The following MACROD1 variants were observed in gnomAD, a reference collection of about 807,000 sequenced individuals.
MACROD1 encodes ADP-ribose glycohydrolase MACROD1.
In MACROD1, 31 loss-of-function variants were observed where a neutral mutation model predicts 41.4. The ratio of observed to expected loss-of-function variants is 0.75; its 90% CI spans 0.56 to 1.01. MACROD1 has a LOEUF of 1.01. MACROD1 is among the 50% of genes least tolerant of loss of function. The pLI is 0.00. For synonymous variants in MACROD1, 252 were observed against 203.4 expected (o/e 1.24, Z -2.03); for missense variants, 473 against 460.0 (o/e 1.03, Z -0.26).
At chr11:64,043,046 G>A (rs886663546) in intron 3 of MACROD1, among the ~76,000 whole-genome samples, 3 of 152,156 alleles carry the variant, frequency 2.0e-5, no homozygotes, top group Admixed American at 6.5e-5. Flanking sequence ...ACTTGGGCTC[G>A]AAGCCCACCT....
chr11:64,083,870 T>C (rs890916433), intron 3 of MACROD1, among the ~76,000 whole-genome samples: 1 of 151,936 alleles, frequency 6.6e-6, no homozygotes, highest in African/African-American at 2.4e-5. Context: ...ACCTGGGGGG[T>C]GCTGGGCGAG....
chr11:64,148,977 T>C (rs1169696302), intron 3 of MACROD1: 1 of 985,208 alleles, frequency 1.0e-6, no homozygotes, highest in Non-Finnish European at 1.2e-6. Flanking sequence ...GTTCAGACCC[T>C]GCCTCCGTCA....
At chr11:64,052,864 C>A (rs977355559) in intron 3 of MACROD1, among the ~76,000 whole-genome samples, 2 of 152,168 alleles carry the variant, frequency 1.3e-5, no homozygotes, top group African/African-American at 4.8e-5. Context: ...TTTAATTATG[C>A]CCCTGCCAGA....
intron 3 of MACROD1, among the ~76,000 whole-genome samples, chr11:64,030,665 G>A (rs946857815): frequency 6.6e-6 from 1 of 152,154 alleles, no homozygotes; most frequent in Non-Finnish European, 1.5e-5. Flanking sequence ...GATGAAAAAC[G>A]CAGTCATAGA....
intron 3 of MACROD1, among the ~76,000 whole-genome samples, chr11:64,026,869 C>T (rs746093001): frequency 2.6e-5 from 4 of 152,192 alleles, no homozygotes; most frequent in Admixed American, 6.5e-5. Flanking sequence ...GAAAATGTCA[C>T]CTCCTCTAAG....
chr11:64,154,491 C>A (rs145750708), intron 1 of MACROD1, among the ~76,000 whole-genome samples: 2 of 152,244 alleles, frequency 1.3e-5, no homozygotes, highest in African/African-American at 2.4e-5. Context: ...TCATCCCCAT[C>A]TGTTCCTTGA....
intron 1 of MACROD1, among the ~76,000 whole-genome samples, chr11:64,154,471 C>T (rs190018887): frequency 1.1e-4 from 17 of 152,202 alleles, no homozygotes; most frequent in East Asian, 7.7e-4. Context: ...AGCTGATCTC[C>T]GTGTGCATCT....
chr11:64,025,417 C>T (rs537869677), intron 3 of MACROD1, among the ~76,000 whole-genome samples: 2 of 152,264 alleles, frequency 1.3e-5, no homozygotes, highest in African/African-American at 2.4e-5. Flanking sequence ...CCTCAGCTGC[C>T]CCTCACCCCT....
chr11:64,087,526 C>T (rs1275528345), intron 3 of MACROD1, among the ~76,000 whole-genome samples: 2 of 152,236 alleles, frequency 1.3e-5, no homozygotes, highest in African/African-American at 2.4e-5. Context: ...GAGCTCTGGG[C>T]TTGGAGGCAA....
intron 3 of MACROD1, among the ~76,000 whole-genome samples, chr11:64,110,655 C>T (rs1284094029): frequency 6.6e-6 from 1 of 152,056 alleles, no homozygotes; most frequent in Admixed American, 6.5e-5. Flanking sequence ...CCTTCGCCCA[C>T]CCCCGTGGCC....
intron 3 of MACROD1, among the ~76,000 whole-genome samples, chr11:64,125,137 AG>A (rs1945158940): frequency 6.8e-6 from 1 of 146,494 alleles, no homozygotes. Flanking sequence ...GGCCTGTGCC[AG>A]GAGAGAGTGA....
At chr11:64,087,655 G>A (rs991023953) in intron 3 of MACROD1, among the ~76,000 whole-genome samples, 8 of 152,230 alleles carry the variant, frequency 5.3e-5, no homozygotes, top group African/African-American at 1.4e-4. Context: ...ATGCAGCCAC[G>A]GGTCCTTGTC....
chr11:64,116,306 G>T, intron 3 of MACROD1: 1 of 1,606,302 alleles, frequency 6.2e-7, no homozygotes. Context: ...CCACCACCAC[G>T]CCCACTGCCA....
chr11:64,020,675 G>T (rs543066090), intron 3 of MACROD1, among the ~76,000 whole-genome samples: 1 of 151,832 alleles, frequency 6.6e-6, no homozygotes, highest in Non-Finnish European at 1.5e-5. Context: ...ATGCTCTCCT[G>T]GGGGGGCCAT....
intron 3 of MACROD1, among the ~76,000 whole-genome samples, chr11:64,044,441 GT>G (rs1943546945): frequency 6.6e-6 from 1 of 152,026 alleles, no homozygotes; most frequent in Non-Finnish European, 1.5e-5. Context: ...CAGAGACAGG[GT>G]TTCCTTATGT....
chr11:64,048,314 C>T (rs1405687254), intron 3 of MACROD1, among the ~76,000 whole-genome samples: 1 of 152,242 alleles, frequency 6.6e-6, no homozygotes, highest in African/African-American at 2.4e-5. Flanking sequence ...AGACAGAGCC[C>T]AGCCTTTGTG....
chr11:64,018,488 A>T (rs568930), intron 3 of MACROD1, among the ~76,000 whole-genome samples: 1 of 151,894 alleles, frequency 6.6e-6, no homozygotes, highest in Non-Finnish European at 1.5e-5. Context: ...GAGCCTAGGG[A>T]GGCTGTGCCA....
intron 3 of MACROD1, among the ~76,000 whole-genome samples, chr11:64,056,997 C>T (rs1046148709): frequency 2.0e-5 from 3 of 152,214 alleles, no homozygotes; most frequent in Non-Finnish European, 4.4e-5. Context: ...TTCCTTTCAG[C>T]TTCTGCGCCC....
chr11:64,027,834 G>C (rs77064820), intron 3 of MACROD1, among the ~76,000 whole-genome samples: 5,885 of 152,314 alleles, frequency 0.039, 237 homozygotes, highest in South Asian at 0.21. Flanking sequence ...CCACGGATTT[G>C]AAACCGAGGC....
Sources: gnomAD v4.1 joint callset for allele counts (sites outside exome capture counted in the v4.1 genomes callset) on GRCh38, gnomAD v4.1.1 for gene constraint, MANE v1.5 for transcripts, NCBI Gene and HGNC (gene_info 2026-07-23, HGNC 2026-07-21) for gene names.